Variants in RBFOX3 observed in about 807,000 individuals in gnomAD.
RBFOX3 encodes the protein RNA binding fox-1 homolog 3.
Under a neutral mutation model 48.7 loss-of-function variants are expected in RBFOX3, and 17 were observed. That is an observed-to-expected ratio of 0.35 (90% CI 0.24 to 0.52). RBFOX3 has a LOEUF of 0.52. Among genes scored for constraint, RBFOX3 ranks in the 20% least tolerant of loss-of-function variants. The probability of loss-of-function intolerance (pLI) is 0.94; values close to 1 mark genes in which losing one functional copy is unlikely to be tolerated. For missense variants in RBFOX3, 382 were observed against 497.5 expected (o/e 0.77, Z 2.21); for synonymous variants, 212 against 209.5 (o/e 1.01, Z -0.10).
intron 12 of RBFOX3, 32 bp downstream of exon 12, chr17:79,096,621 C>T (rs1403048200): frequency 7.9e-6 from 7 of 891,524 alleles, no homozygotes; most frequent in Non-Finnish European, 8.8e-6. Flanking sequence ...AACGCCTGAT[C>T]CCACCCTCCC....
In RBFOX3 at chr17:79,479,116, G is replaced by A. The variant is rs1036742699; in HGVS notation, c.-175+3338C>T. Reference sequence around the variant, plus strand: ...AGCTCCTGCAGGCTTTTCCCTGCCCGGGTTTCTCCATCACTGTTCTCCAAG... The same window carrying A: ...AGCTCCTGCAGGCTTTTCCCTGCCCAGGTTTCTCCATCACTGTTCTCCAAG... On this transcript the variant is annotated intron_variant, in intron 2 of 14. Transcript: ENST00000693108. This position sits in a 1 kb window ranked among gnomAD's most constrained non-coding sequence, Gnocchi z 5.1. Among the ~76,000 whole-genome samples, 22 of 152,300 alleles carry A rather than the reference G, an allele frequency of 1.4e-4. No homozygotes were observed. Among genetic ancestry groups the A allele is most frequent in the African/African-American group, 4.3e-4 (18 of 41,562 alleles).
At chr17:79,581,888 C>A (rs886160452) in intron 1 of RBFOX3, among the ~76,000 whole-genome samples, 6 of 152,264 alleles carry the variant, frequency 3.9e-5, no homozygotes, top group Admixed American at 2.0e-4. Flanking sequence ...AGCCCAGAGG[C>A]CAGGTTGCCC....
At chr17:79,303,613 T>C (rs1276522890) in intron 3 of RBFOX3, among the ~76,000 whole-genome samples, 2 of 152,154 alleles carry the variant, frequency 1.3e-5, no homozygotes, top group East Asian at 1.9e-4. Flanking sequence ...CTGCCCAGAC[T>C]CATCAACATC....
chr17:79,292,331 T>A (rs756174973), intron 3 of RBFOX3, among the ~76,000 whole-genome samples: 1 of 151,942 alleles, frequency 6.6e-6, no homozygotes, highest in Non-Finnish European at 1.5e-5. Context: ...ATGCCTCCAG[T>A]ATAGAATTTA....
chr17:79,302,959 T>G (rs1339992343), intron 3 of RBFOX3, among the ~76,000 whole-genome samples: 1 of 152,186 alleles, frequency 6.6e-6, no homozygotes, highest in Admixed American at 6.5e-5. Context: ...ATCCCAGCAC[T>G]TTGGGTATGT....
chr17:79,094,172 GAGGGAGCTC>G (rs1354627958), intron 14 of RBFOX3: 9 of 416,714 alleles, frequency 2.2e-5, no homozygotes. Flanking sequence ...TTATTATAGT[GAGGGAGCTC>G]AGGGAAACGG....
intron 2 of RBFOX3, among the ~76,000 whole-genome samples, chr17:79,464,193 G>A (rs1416752985): frequency 1.3e-5 from 2 of 152,258 alleles, no homozygotes; most frequent in Non-Finnish European, 1.5e-5. Flanking sequence ...TCTGCGAAAC[G>A]GGCGCACATC....
intron 2 of RBFOX3, among the ~76,000 whole-genome samples, chr17:79,337,333 T>C (rs1473589508): frequency 2.6e-5 from 4 of 152,220 alleles, no homozygotes; most frequent in African/African-American, 9.6e-5. Context: ...GCACCACTGC[T>C]ATTTCCAGAA....
intron 2 of RBFOX3, among the ~76,000 whole-genome samples, chr17:79,406,548 G>A (rs766949045): frequency 3.3e-5 from 5 of 152,118 alleles, no homozygotes; most frequent in African/African-American, 7.2e-5. Flanking sequence ...TCTAATTGCC[G>A]GGAATTGTGG....
the RBFOX3 span, among the ~76,000 whole-genome samples, chr17:79,621,379 G>A: frequency 1.3e-5 from 2 of 152,180 alleles, no homozygotes; most frequent in Non-Finnish European, 2.9e-5. Flanking sequence ...CGTTGAGCAG[G>A]AATGGAGCCC....
intron 2 of RBFOX3, among the ~76,000 whole-genome samples, chr17:79,435,271 T>C (rs782003980): frequency 2.6e-5 from 4 of 151,566 alleles, no homozygotes; most frequent in Admixed American, 6.6e-5. Context: ...CACATGGAGG[T>C]TGGAGTGTAG....
intron 1 of RBFOX3, chr17:79,516,192 G>A (rs1367215847): frequency 2.0e-5 from 3 of 152,220 alleles, no homozygotes; most frequent in African/African-American, 4.8e-5. Context: ...CACAACAAAC[G>A]AAGAAAAATG....
intron 1 of RBFOX3, among the ~76,000 whole-genome samples, chr17:79,554,644 A>G (rs2091471757): frequency 6.6e-6 from 1 of 152,248 alleles, no homozygotes; most frequent in African/African-American, 2.4e-5. Flanking sequence ...TCAGTTCTGG[A>G]TGTCTAGCAC....
rs1323411503 is a variant in RBFOX3, at chr17:79,417,696, A to T, written c.-175+64758T>A. ...CCTTAAACAATCAGATGGAATTGCC[A>T]TATGGTCAGCAACCCTGCTCCTGGG... is the stretch of plus-strand genomic sequence containing the variant. On this transcript the variant is annotated intron_variant, in intron 2 of 14. Transcript: ENST00000693108. 2.0e-5 allele frequency among the ~76,000 whole-genome samples: 3 copies of T among 152,236 alleles called. 1 individual carries two copies. The highest frequency in any genetic ancestry group is 7.2e-5 in the African/African-American group (3 of 41,464).
rs1377629984 is a variant in RBFOX3, at chr17:79,473,805, A to G, written c.-175+8649T>C. Among the ~76,000 whole-genome samples the G allele has an allele frequency of 6.6e-6, 1 of 151,620 alleles. No individual in the cohort carries two copies. Among genetic ancestry groups the G allele is most frequent in the African/African-American group, 2.4e-5 (1 of 41,210 alleles). On this transcript the variant is annotated intron_variant, in intron 2 of 14. Transcript: ENST00000693108. The surrounding 1 kb of genome is among the most constrained non-coding windows in gnomAD (Gnocchi z 4.2). ...AGAAAAATTATTCTGTTCCGCCTCC[A>G]TTTTTCTCCTCCTCCTAAAAGCACA...
the RBFOX3 span, among the ~76,000 whole-genome samples, chr17:79,642,083 G>A: frequency 6.6e-6 from 1 of 152,070 alleles, no homozygotes; most frequent in Non-Finnish European, 1.5e-5. Context: ...CTAGTACAAG[G>A]ACATTATGTT....
intron 4 of RBFOX3, among the ~76,000 whole-genome samples, chr17:79,228,761 C>T (rs540760952): frequency 6.6e-6 from 1 of 152,280 alleles, no homozygotes; most frequent in East Asian, 1.9e-4. Flanking sequence ...TGGGGCATTG[C>T]TCTTTATTTC....
At chr17:79,152,848 G>A (rs1258682614) in intron 4 of RBFOX3, among the ~76,000 whole-genome samples, 1 of 152,200 alleles carries the variant, frequency 6.6e-6, no homozygotes, top group Non-Finnish European at 1.5e-5. Context: ...GGAACACGGC[G>A]CCGGCCTCCG....
At chr17:79,147,014 C>G (rs9902165) in intron 4 of RBFOX3, among the ~76,000 whole-genome samples, 2,017 of 152,056 alleles carry the variant, frequency 0.013, 49 homozygotes, top group African/African-American at 0.046. Flanking sequence ...TTGGATCTTA[C>G]AGGGAACAGG....
Sources: gnomAD v4.1 joint callset for allele counts (sites outside exome capture counted in the v4.1 genomes callset) on GRCh38, gnomAD v4.1.1 for gene constraint, Gnocchi (gnomAD v3.1) non-coding constraint, MANE v1.5 for transcripts, NCBI Gene and HGNC (gene_info 2026-07-23, HGNC 2026-07-21) for gene names.